The following ST3GAL4 variants were observed in gnomAD, a reference collection of about 807,000 sequenced individuals.
ST3GAL4 encodes the protein ST3 beta-galactoside alpha-2,3-sialyltransferase 4.
In ST3GAL4, 24 loss-of-function variants were observed where a neutral mutation model predicts 42.6. That is an observed-to-expected ratio of 0.56 (90% CI 0.41 to 0.79). The LOEUF is 0.79. Among genes scored for constraint, ST3GAL4 ranks in the 30% least tolerant of loss-of-function variants. The probability of loss-of-function intolerance (pLI) is 0.00; values close to 1 mark genes in which losing one functional copy is unlikely to be tolerated. For missense variants in ST3GAL4, 311 were observed against 430.8 expected, an observed-to-expected ratio of 0.72 and a Z score of 2.46; for synonymous variants, 135 against 163.2, an observed-to-expected ratio of 0.83 and a Z score of 1.32.
Position 126,409,496 on chromosome 11 carries a change from A to ATCC in ST3GAL4, c.771+85_771+86insTCC. ...TCCTATGGGCTTAGGAAGCCCTGGA[A>ATCC]GGATCCCATAACAGAGGCGGCGGTT... On this transcript the variant is annotated intron_variant, in intron 9 of 10. Transcript: ENST00000444328. The surrounding 1 kb of genome is among the most constrained non-coding windows in gnomAD (Gnocchi z 4.9). The ATCC allele has an allele frequency of 3.2e-6, 5 of 1,576,250 alleles. No individual in the cohort carries two copies. The highest frequency in any genetic ancestry group is 4.3e-6 in the Non-Finnish European group (5 of 1,153,158).
At position 126,409,888 on chromosome 11, in the gene ST3GAL4, G is replaced by GT. The variant is rs1384177919; in HGVS notation, c.771+481dup. Among the ~76,000 whole-genome samples, 10 of 152,258 alleles carry GT rather than the reference G, an allele frequency of 6.6e-5. No individual in the cohort carries two copies. Among genetic ancestry groups the GT allele is most frequent in the African/African-American group, 1.9e-4 (8 of 41,554 alleles). On this transcript the variant is annotated intron_variant, in intron 9 of 10. Transcript: ENST00000444328. The surrounding 1 kb of genome is among the most constrained non-coding windows in gnomAD (Gnocchi z 4.9). ...TGTGTCAATTCAGGGAGTCAATGTAGTTTTGCAAGTTATGGGTTTTTGTTT... is the reference window on the plus strand; with the variant it reads ...TGTGTCAATTCAGGGAGTCAATGTAGTTTTTGCAAGTTATGGGTTTTTGTTT...
intron 1 of ST3GAL4, among the ~76,000 whole-genome samples, chr11:126,388,679 T>TTTTTTTTTTTTTTC (rs1239186575): frequency 1.6e-4 from 20 of 122,716 alleles, no homozygotes; most frequent in African/African-American, 6.2e-4. Context: ...TTTTTTTTTT[T>TTTTTTTTTTTTTTC]TTCTGATTTA....
chr11:126,401,305 C>T (rs1043913906), intron 1 of ST3GAL4, among the ~76,000 whole-genome samples: 1 of 151,616 alleles, frequency 6.6e-6, no homozygotes, highest in African/African-American at 2.4e-5. Context: ...CGGTGGCTCA[C>T]GCCTGTAATC....
chr11:126,367,273 C>A (rs1432130163), intron 1 of ST3GAL4, among the ~76,000 whole-genome samples: 1 of 152,192 alleles, frequency 6.6e-6, no homozygotes, highest in African/African-American at 2.4e-5. Context: ...GCCACCACAC[C>A]CCAGCAGCGT....
intron 1 of ST3GAL4, among the ~76,000 whole-genome samples, chr11:126,356,675 T>C (rs1474826826): frequency 6.6e-6 from 1 of 152,110 alleles, no homozygotes; most frequent in African/African-American, 2.4e-5. Flanking sequence ...TAGGCAGTGT[T>C]CGGGTGCCCA....
chr11:126,355,963 C>A lies in ST3GAL4; in HGVS notation c.-61+121C>A, dbSNP rs1175132693. On this transcript the variant is annotated intron_variant, in intron 1 of 10. Transcript: ENST00000444328. This position sits in a 1 kb window ranked among gnomAD's most constrained non-coding sequence, Gnocchi z 7.1. ...CTCCCGGAGGGGGTCGGGCCCTGCA[C>A]GTGGGCGCAGCGCGGGTCGGGGTGG... The A allele has an allele frequency of 6.6e-6, 1 of 151,594 alleles. No homozygotes were observed. Among genetic ancestry groups the A allele is most frequent in the Non-Finnish European group, 1.5e-5 (1 of 67,824 alleles). 9.4% of individuals were successfully genotyped at this position (151,594 alleles called of 1,614,324 possible).
Position 126,411,194 on chromosome 11 carries a change from G to A in ST3GAL4, c.771+1783G>A, listed in dbSNP as rs370816413. 2.0e-4 allele frequency among the ~76,000 whole-genome samples: 31 copies of A among 151,884 alleles called. No homozygotes were observed. In the South Asian group the frequency reaches 6.3e-3, roughly 31 times the overall value. On this transcript the variant is annotated intron_variant, in intron 9 of 10. Transcript: ENST00000444328. This position sits in a 1 kb window ranked among gnomAD's most constrained non-coding sequence, Gnocchi z 6.3. ...GGAGTCTTGCTCTGTCACCCAGGCT[G>A]GAGTGCAGTGGGGTGATCTTGGCTC...
chr11:126,406,016 A>G lies in ST3GAL4; in HGVS notation c.-60-80A>G. On this transcript the variant is annotated intron_variant, in intron 1 of 10. Transcript: ENST00000444328. The surrounding 1 kb of genome is among the most constrained non-coding windows in gnomAD (Gnocchi z 5.4). ...GCTTTCTGGTGGAAGGGAGGGGCAG[A>G]CAGTGGGTGTGTCCTGCTCCAGTGT... 6.7e-6 allele frequency: 10 copies of G among 1,493,372 alleles called. No homozygotes were observed. The highest frequency in any genetic ancestry group is 1.2e-5 in the South Asian group (1 of 82,498). The allele number at this position is 1,493,372 out of a possible 1,614,324, so 92.5% of individuals were successfully genotyped here.
chr11:126,384,684 G>A lies in ST3GAL4; in HGVS notation c.-60-21412G>A. ...CAGATGGAGAGCCACCTCCCTAGGG[G>A]CCTCCTCCCCCTCCCCTTCTGCATG... On this transcript the variant is annotated intron_variant, in intron 1 of 10. Transcript: ENST00000444328. This position sits in a 1 kb window ranked among gnomAD's most constrained non-coding sequence, Gnocchi z 5.5. 1 of 985,320 alleles carries A rather than the reference G, an allele frequency of 1.0e-6. No homozygotes were observed. The highest frequency in any genetic ancestry group is 1.7e-5 in the African/African-American group (1 of 57,322). The allele number at this position is 985,320 out of a possible 1,614,324, so 61.0% of individuals were successfully genotyped here.
In ST3GAL4 at chr11:126,391,926, A is replaced by G. The variant is rs368061149; in HGVS notation, c.-60-14170A>G. 1.6e-3 allele frequency among the ~76,000 whole-genome samples: 234 copies of G among 148,288 alleles called. 2 individuals are homozygous for G. The highest frequency in any genetic ancestry group is 6.8e-3 in the Middle Eastern group (2 of 294). On this transcript the variant is annotated intron_variant, in intron 1 of 10. Coordinates refer to ENST00000444328, the MANE Select transcript of ST3GAL4 (RefSeq NM_001254757.2). This position sits in a 1 kb window ranked among gnomAD's most constrained non-coding sequence, Gnocchi z 5.5. Reference sequence around the variant, plus strand: ...TGTTTTGAGGCTCAGAACACCTGTGATAACTTGGTCGTGTGTGTGTGTGTG... The same window carrying G: ...TGTTTTGAGGCTCAGAACACCTGTGGTAACTTGGTCGTGTGTGTGTGTGTG...
rs1405113561 is a variant in ST3GAL4, at chr11:126,373,570, T to A, written c.-61+17728T>A. On this transcript the variant is annotated intron_variant, in intron 1 of 10. Coordinates refer to ENST00000444328, the MANE Select transcript of ST3GAL4 (RefSeq NM_001254757.2). This position sits in a 1 kb window ranked among gnomAD's most constrained non-coding sequence, Gnocchi z 5.5. ...AGCTGATAAACGGGTGATACAGTGT[T>A]TCTATACAGGAGTCTGCAGTGCCAG... 6.6e-6 allele frequency among the ~76,000 whole-genome samples: 1 copy of A among 152,108 alleles called. No homozygotes were observed. The highest frequency in any genetic ancestry group is 2.4e-5 in the African/African-American group (1 of 41,416).
intron 1 of ST3GAL4, among the ~76,000 whole-genome samples, chr11:126,388,293 T>C (rs1378756557): frequency 6.6e-6 from 1 of 152,224 alleles, no homozygotes; most frequent in Non-Finnish European, 1.5e-5. Context: ...TACATTAAGG[T>C]AAATATTCAT....
intron 1 of ST3GAL4, among the ~76,000 whole-genome samples, chr11:126,372,661 G>A (rs926982916): frequency 1.3e-5 from 2 of 151,976 alleles, no homozygotes; most frequent in African/African-American, 2.4e-5. Flanking sequence ...GGTGATCTGC[G>A]TGCCTCGACC....
chr11:126,395,838 A>G (rs1953727183), intron 1 of ST3GAL4, among the ~76,000 whole-genome samples: 1 of 152,094 alleles, frequency 6.6e-6, no homozygotes, highest in South Asian at 2.1e-4. Context: ...AGTCTCGTGC[A>G]TGTCTTTATC....
At chr11:126,394,113 G>A (rs1038806232) in intron 1 of ST3GAL4, among the ~76,000 whole-genome samples, 3 of 152,270 alleles carry the variant, frequency 2.0e-5, no homozygotes, top group Non-Finnish European at 4.4e-5. Flanking sequence ...TGGGGTCAGG[G>A]GAGGCAGGGC....
rs1354665697 is a variant in ST3GAL4 at position 126,363,417 on chromosome 11, TG to T, written c.-61+7578del. Among the ~76,000 whole-genome samples the T allele has an allele frequency of 2.6e-5, 4 of 152,140 alleles. No individual in the cohort carries two copies. Among genetic ancestry groups the T allele is most frequent in the African/African-American group, 9.7e-5 (4 of 41,428 alleles). Reference sequence around the variant, plus strand: ...GTGGAACTGGGACTCTGGGGGTGGCTGGGTTGGGTTGCCTGGAGGCCGGGAA... The same window carrying T: ...GTGGAACTGGGACTCTGGGGGTGGCTGGTTGGGTTGCCTGGAGGCCGGGAA... On this transcript the variant is annotated intron_variant, in intron 1 of 10. Coordinates refer to ENST00000444328, the MANE Select transcript of ST3GAL4 (RefSeq NM_001254757.2). This position sits in a 1 kb window ranked among gnomAD's most constrained non-coding sequence, Gnocchi z 4.6.
At position 126,398,345 on chromosome 11, in the gene ST3GAL4, T is replaced by C. The variant is rs1158234314; in HGVS notation, c.-60-7751T>C. ...AGGGGGAACAATACCAAATCCCAAC[T>C]TGACAATAATCTTCTTTGACTCCAT... On this transcript the variant is annotated intron_variant, in intron 1 of 10. Coordinates refer to ENST00000444328, the MANE Select transcript of ST3GAL4 (RefSeq NM_001254757.2). This position sits in a 1 kb window ranked among gnomAD's most constrained non-coding sequence, Gnocchi z 4.7. 2.0e-5 allele frequency among the ~76,000 whole-genome samples: 3 copies of C among 152,218 alleles called. No homozygotes were observed. The highest frequency in any genetic ancestry group is 1.9e-4 in the East Asian group (1 of 5,188).
rs1043399268 is a variant in ST3GAL4, at chr11:126,413,725, A to G, written c.915+77A>G. The G allele has an allele frequency of 6.3e-6, 10 of 1,583,006 alleles. No individual in the cohort carries two copies. In the African/African-American group the frequency reaches 8.1e-5, roughly 13 times the overall value. The stretch of plus-strand genomic sequence containing the variant: ...GTCAGAGGGGCACTGGGTGAGTGGG[A>G]GCAGTGCTGAGACCCAGAGGTGGCT... On this transcript the variant is annotated intron_variant, in intron 10 of 10. Coordinates refer to ENST00000444328, the MANE Select transcript of ST3GAL4 (RefSeq NM_001254757.2).
rs61220648 is a variant in ST3GAL4 at position 126,383,833 on chromosome 11, C to G, written c.-60-22263C>G. ...CTGGACACCTAGAAGGGCCCCTCCT[C>G]CCCTCGTCTTCCCTCCCTCATGGCC... On this transcript the variant is annotated intron_variant, in intron 1 of 10. Coordinates refer to ENST00000444328, the MANE Select transcript of ST3GAL4 (RefSeq NM_001254757.2). The surrounding 1 kb of genome is among the most constrained non-coding windows in gnomAD (Gnocchi z 4.5). Among the ~76,000 whole-genome samples, 84 of 152,302 alleles carry G rather than the reference C, an allele frequency of 5.5e-4. No homozygotes were observed. In the East Asian group the frequency reaches 0.015, roughly 28 times the overall value.
Sources: gnomAD v4.1 joint callset for allele counts (sites outside exome capture counted in the v4.1 genomes callset) on GRCh38, gnomAD v4.1.1 for gene constraint, Gnocchi (gnomAD v3.1) non-coding constraint, MANE v1.5 for transcripts, NCBI Gene and HGNC (gene_info 2026-07-23, HGNC 2026-07-21) for gene names.